The following CENPP variants were observed in gnomAD, a reference collection of about 807,000 sequenced individuals.
CENPP encodes the protein centromere protein P.
A neutral mutation model predicts 35.6 loss-of-function variants in CENPP; 24 were observed. The ratio of observed to expected loss-of-function variants is 0.67; its 90% CI spans 0.49 to 0.95. CENPP has a LOEUF of 0.95. CENPP is among the 40% of genes least tolerant of loss of function. The pLI is 0.00. For missense variants in CENPP, 332 were observed against 345.3 expected, an observed-to-expected ratio of 0.96 and a Z score of 0.31; for synonymous variants, 120 against 125.5, an observed-to-expected ratio of 0.96 and a Z score of 0.29.
chr9:92,474,012 A>C lies in CENPP; in HGVS notation c.564+94153A>C, dbSNP rs187634009. 4.9e-3 allele frequency among the ~76,000 whole-genome samples: 739 copies of C among 152,330 alleles called. 13 individuals are homozygous for C. Among genetic ancestry groups the C allele is most frequent in the African/African-American group, 0.017 (702 of 41,580 alleles). ...ATAGCTGAAGGCAACAACTCTTGAT[A>C]TGCATTCCCATTAAGTCCCGTCCTT... On this transcript the variant is annotated intron_variant, in intron 5 of 7. Transcript: ENST00000375587.
intron 5 of CENPP, among the ~76,000 whole-genome samples, chr9:92,603,262 G>T (rs1850977020): frequency 6.6e-6 from 1 of 152,224 alleles, no homozygotes; most frequent in Admixed American, 6.5e-5. Flanking sequence ...CTCGGTAATG[G>T]TTTGATTGTC....
At chr9:92,586,896 G>C (rs1454245301) in intron 5 of CENPP, among the ~76,000 whole-genome samples, 2 of 148,770 alleles carry the variant, frequency 1.3e-5, no homozygotes, top group African/African-American at 2.5e-5. Context: ...GGAGAATTTG[G>C]TTCCTAGAAT....
chr9:92,484,878 A>T (rs928630774), intron 5 of CENPP, among the ~76,000 whole-genome samples: 1 of 152,090 alleles, frequency 6.6e-6, no homozygotes, highest in African/African-American at 2.4e-5. Flanking sequence ...CCTTCTCCCC[A>T]CTGTGAGACT....
Position 92,616,237 on chromosome 9 carries a change from C to T in CENPP, c.*3088C>T. The T allele has an allele frequency of 1.8e-6, 1 of 559,894 alleles. No homozygotes were observed. 34.7% of individuals were successfully genotyped at this position (559,894 alleles called of 1,614,324 possible). On this transcript the variant is annotated 3_prime_UTR_variant, in exon 8 of 8. Coordinates refer to ENST00000375587, the MANE Select transcript of CENPP (RefSeq NM_001012267.3). ...GTGAATGGCCTCACACCCCAGCTCA[C>T]AAAGAGCACTCGTTCTGTGCACCTG...
intron 5 of CENPP, among the ~76,000 whole-genome samples, chr9:92,442,379 C>G (rs1346935568): frequency 1.4e-5 from 1 of 72,318 alleles, no homozygotes; most frequent in African/African-American, 5.4e-5. Context: ...GCCTGGACAA[C>G]AAGAGTGAAA....
At chr9:92,414,667 G>A (rs960893679) in intron 5 of CENPP, 1 of 209,596 alleles carries the variant, frequency 4.8e-6, no homozygotes, top group Non-Finnish European at 9.7e-6. Flanking sequence ...CAGTGTGAAA[G>A]CTTTCCTGAA....
At chr9:92,432,260 G>A (rs1382843523) in intron 5 of CENPP, among the ~76,000 whole-genome samples, 1 of 152,096 alleles carries the variant, frequency 6.6e-6, no homozygotes, top group Non-Finnish European at 1.5e-5. Context: ...GGGAGGCAGA[G>A]GTTGCAGTGA....
At chr9:92,505,435 G>T in intron 5 of CENPP, 1 of 1,113,414 alleles carries the variant, frequency 9.0e-7, no homozygotes, top group Non-Finnish European at 1.3e-6. Context: ...TGAAACTAGA[G>T]TTTAATTTAC....
intron 5 of CENPP, among the ~76,000 whole-genome samples, chr9:92,381,744 C>A (rs191788859): frequency 8.3e-4 from 126 of 152,148 alleles, no homozygotes; most frequent in African/African-American, 2.7e-3. Flanking sequence ...TAATGATATA[C>A]CTGGAAATAT....
intron 5 of CENPP, among the ~76,000 whole-genome samples, chr9:92,575,363 A>T (rs1267822211): frequency 6.6e-6 from 1 of 152,170 alleles, no homozygotes; most frequent in Non-Finnish European, 1.5e-5. Flanking sequence ...CACCAAAACA[A>T]CTCTGTTCAA....
At chr9:92,565,293 TAAAAAAAAAAAAAAAAAAAA>T (rs3078380) in intron 5 of CENPP, among the ~76,000 whole-genome samples, 5 of 33,162 alleles carry the variant, frequency 1.5e-4, no homozygotes, top group Non-Finnish European at 2.0e-4. Flanking sequence ...GCTGATGAGC[TAAAAAAAAAAAAAAAAAAAA>T]AAAAAAAAAA....
At chr9:92,464,306 A>C (rs967611723) in intron 5 of CENPP, among the ~76,000 whole-genome samples, 31 of 152,230 alleles carry the variant, frequency 2.0e-4, no homozygotes, top group African/African-American at 7.2e-4. Flanking sequence ...GCCTTGGGTC[A>C]CACAAAGCCA....
At chr9:92,586,386 G>A (rs1229974387) in intron 5 of CENPP, among the ~76,000 whole-genome samples, 1 of 152,082 alleles carries the variant, frequency 6.6e-6, no homozygotes, top group Non-Finnish European at 1.5e-5. Flanking sequence ...TGCCTGCCTG[G>A]GGCAAGGGAT....
At chr9:92,573,918 C>T (rs1850215330) in intron 5 of CENPP, among the ~76,000 whole-genome samples, 3 of 152,190 alleles carry the variant, frequency 2.0e-5, no homozygotes, top group African/African-American at 4.8e-5. Flanking sequence ...ATGTAATCTC[C>T]TGGTGTGCCG....
At chr9:92,605,358 AT>A (rs200294700) in intron 5 of CENPP, among the ~76,000 whole-genome samples, 3,916 of 144,582 alleles carry the variant, frequency 0.027, 252 homozygotes, top group Admixed American at 0.16. Context: ...ATTGAAATTC[AT>A]TTTTTTTTTT....
chr9:92,367,946 C>T (rs1841927466), intron 4 of CENPP, among the ~76,000 whole-genome samples: 1 of 152,190 alleles, frequency 6.6e-6, no homozygotes, highest in African/African-American at 2.4e-5. Flanking sequence ...AACACAGCAT[C>T]ATAGGTGGAG....
In CENPP at chr9:92,333,283, T is replaced by C. The variant is rs144271919; in HGVS notation, c.289+932T>C. On this transcript the variant is annotated intron_variant, in intron 2 of 7. Coordinates refer to ENST00000375587, the MANE Select transcript of CENPP (RefSeq NM_001012267.3). ...ATTACCCTCATGACAGGGGAGAGGGTCTTGGGCAGCCACTGCAGGGAGACT... is the reference window on the plus strand; with the variant it reads ...ATTACCCTCATGACAGGGGAGAGGGCCTTGGGCAGCCACTGCAGGGAGACT... Among the ~76,000 whole-genome samples, 605 of 152,242 alleles carry C rather than the reference T, an allele frequency of 4.0e-3. 7 individuals are homozygous for C. The highest frequency in any genetic ancestry group is 0.014 in the African/African-American group (581 of 41,536).
chr9:92,508,517 A>G (rs1229774777), intron 5 of CENPP, among the ~76,000 whole-genome samples: 1 of 152,214 alleles, frequency 6.6e-6, no homozygotes, highest in Non-Finnish European at 1.5e-5. Flanking sequence ...AACCCAACTA[A>G]AAGTGTGACT....
intron 5 of CENPP, among the ~76,000 whole-genome samples, chr9:92,529,244 A>C (rs1354076329): frequency 6.6e-6 from 1 of 152,272 alleles, no homozygotes; most frequent in African/African-American, 2.4e-5. Context: ...ACAGATTACA[A>C]ATTAAAATGA....
Sources: gnomAD v4.1 joint callset for allele counts (sites outside exome capture counted in the v4.1 genomes callset) on GRCh38, gnomAD v4.1.1 for gene constraint, MANE v1.5 for transcripts, NCBI Gene and HGNC (gene_info 2026-07-23, HGNC 2026-07-21) for gene names.